IGSF10: variants seen among roughly 807,000 people sequenced by gnomAD.
IGSF10 encodes the protein calvaria mechanical force protein 608.
IGSF10 carries 126 observed loss-of-function variants against 128.2 expected under a neutral mutation model. The ratio of observed to expected loss-of-function variants is 0.98; its 90% CI spans 0.85 to 1.14. The LOEUF (loss-of-function observed/expected upper bound fraction) is 1.14. Ranked by LOEUF, IGSF10 falls within the 50% of genes most tolerant of loss-of-function variation. The pLI is 0.00. For missense variants in IGSF10, 3,295 were observed against 3,149.8 expected, an observed-to-expected ratio of 1.05 and a Z score of -1.10; for synonymous variants, 1,185 against 1,146.2, an observed-to-expected ratio of 1.03 and a Z score of -0.68.
At position 151,460,929 on chromosome 3, in the gene IGSF10, T is replaced by C. The variant is rs896220961; in HGVS notation, c.-89+17A>G. The C allele has an allele frequency of 6.1e-6, 6 of 985,186 alleles. No homozygotes were observed. The highest frequency in any genetic ancestry group is 3.5e-5 in the African/African-American group (2 of 57,216). 61.0% of individuals were successfully genotyped at this position (985,186 alleles called of 1,614,324 possible). Reference sequence around the variant, plus strand: ...GGTTCCAGCCCTTTCCGGGGAAGGATTGGCCGAGGCGCTCACCTGTTTGCC... The same window carrying C: ...GGTTCCAGCCCTTTCCGGGGAAGGACTGGCCGAGGCGCTCACCTGTTTGCC... On this transcript the variant is annotated intron_variant, in intron 1 of 7. Coordinates refer to ENST00000282466, the MANE Select transcript of IGSF10 (RefSeq NM_178822.5).
chr3:151,473,228 C>T, the IGSF10 span, among the ~76,000 whole-genome samples: 1 of 152,178 alleles, frequency 6.6e-6, no homozygotes, highest in Non-Finnish European at 1.5e-5. Context: ...GTGCTGAACA[C>T]AAAACCAGAG....
chr3:151,600,670 T>C, the IGSF10 span, among the ~76,000 whole-genome samples: 1 of 152,080 alleles, frequency 6.6e-6, no homozygotes, highest in Admixed American at 6.6e-5. Flanking sequence ...ACTTTGAAAA[T>C]ATTGTCGAAT....
At chr3:151,590,012 G>A in the IGSF10 span, among the ~76,000 whole-genome samples, 1 of 152,048 alleles carries the variant, frequency 6.6e-6, no homozygotes, top group Admixed American at 6.6e-5. Context: ...GGGAAAAAGA[G>A]TGAATGATCA....
chr3:151,605,651 T>C, the IGSF10 span, among the ~76,000 whole-genome samples: 1 of 152,234 alleles, frequency 6.6e-6, no homozygotes, highest in Non-Finnish European at 1.5e-5. Flanking sequence ...ATTTTAAAGA[T>C]GAAAAACACT....
the IGSF10 span, among the ~76,000 whole-genome samples, chr3:151,582,307 G>GGGGA: frequency 1.6e-5 from 1 of 63,422 alleles, no homozygotes; most frequent in African/African-American, 5.9e-5. Flanking sequence ...GGGGGGGCGG[G>GGGGA]AAGCACAAAT....
In IGSF10 at chr3:151,438,061, CCA is replaced by C; in HGVS notation, c.6498_6499del (p.Asp2168SerfsTer13). ...CCAAAATATTTTTGGTTTGGGATCC[CCA>C]GTGACCTCACAGTCAAGGACAGCTG... On this transcript the variant is annotated frameshift_variant, in exon 8 of 8. Transcript: ENST00000282466. LOFTEE classifies it low-confidence loss of function (END_TRUNC). The C allele has an allele frequency of 6.2e-7, 1 of 1,614,138 alleles. No individual in the cohort carries two copies. Among genetic ancestry groups the C allele is most frequent in the Non-Finnish European group, 8.5e-7 (1 of 1,180,026 alleles).
At chr3:151,462,517 A>G (rs1185713636), upstream of IGSF10, among the ~76,000 whole-genome samples, 1 of 152,106 alleles carries the variant, frequency 6.6e-6, no homozygotes, top group Non-Finnish European at 1.5e-5. Context: ...AAAGGAAAGT[A>G]TTTATGTTAT....
the IGSF10 span, among the ~76,000 whole-genome samples, chr3:151,477,411 A>C: frequency 1.3e-5 from 2 of 152,178 alleles, no homozygotes; most frequent in African/African-American, 4.8e-5. Flanking sequence ...AAATAGAATA[A>C]ATGGGGAAGT....
Position 151,448,056 on chromosome 3 carries a change from T to C in IGSF10, c.1925A>G (p.Tyr642Cys), listed in dbSNP as rs758483303. 6.8e-6 allele frequency: 11 copies of C among 1,614,060 alleles called. No individual in the cohort carries two copies. Among genetic ancestry groups the C allele is most frequent in the Non-Finnish European group, 9.3e-6 (11 of 1,180,046 alleles). Residue 642 changes from tyrosine (Y) to cysteine (C), a missense_variant, in exon 6 of 8, where the codon TAT becomes TGT. Transcript: ENST00000282466. ...ILQVTPKDQGYYRCVAANPSG... is the reference protein window; with the variant it reads ...ILQVTPKDQGCYRCVAANPSG... ...TGGGTTGGCTGCCACACAGCGATAA[T>C]AACCTTGGTCTTTCGGGGTGACCTG...
upstream of IGSF10, among the ~76,000 whole-genome samples, chr3:151,462,794 G>A (rs1722112564): frequency 1.5e-5 from 1 of 65,988 alleles, no homozygotes. Flanking sequence ...AGTAACCCTA[G>A]AAGCATGTAT....
chr3:151,563,052 G>A, the IGSF10 span, among the ~76,000 whole-genome samples: 2 of 152,100 alleles, frequency 1.3e-5, no homozygotes, highest in Non-Finnish European at 2.9e-5. Flanking sequence ...CATAGAGAAG[G>A]AGTGAATCTC....
intron 4 of IGSF10, among the ~76,000 whole-genome samples, chr3:151,455,775 T>C (rs1721765097): frequency 6.6e-6 from 1 of 152,202 alleles, no homozygotes. Flanking sequence ...TAATTTTGAG[T>C]TGCAATTAAA....
chr3:151,490,458 GATCA>G, the IGSF10 span, among the ~76,000 whole-genome samples: 25 of 150,658 alleles, frequency 1.7e-4, no homozygotes, highest in African/African-American at 5.6e-4. Flanking sequence ...ACAATGGATA[GATCA>G]ATTAGACAGA....
the IGSF10 span, among the ~76,000 whole-genome samples, chr3:151,484,241 C>T: frequency 1.3e-5 from 2 of 152,196 alleles, no homozygotes; most frequent in East Asian, 1.9e-4. Flanking sequence ...AGCCAGACTG[C>T]CTTTCTAGAT....
At chr3:151,611,253 T>C in the IGSF10 span, among the ~76,000 whole-genome samples, 4 of 152,316 alleles carry the variant, frequency 2.6e-5, no homozygotes, top group Admixed American at 2.0e-4. Context: ...CCCTATAAAA[T>C]AACACCTGGA....
At chr3:151,512,063 A>AAAGTTAAC in the IGSF10 span, among the ~76,000 whole-genome samples, 1 of 152,218 alleles carries the variant, frequency 6.6e-6, no homozygotes, top group Non-Finnish European at 1.5e-5. Context: ...AACTAGACAG[A>AAAGTTAAC]AAGTTAACAA....
chr3:151,537,159 G>A, the IGSF10 span, among the ~76,000 whole-genome samples: 2 of 152,116 alleles, frequency 1.3e-5, no homozygotes, highest in African/African-American at 2.4e-5. Flanking sequence ...CTAAAGTTGG[G>A]CACATTAGTA....
the IGSF10 span, among the ~76,000 whole-genome samples, chr3:151,611,327 A>C: frequency 2.0e-5 from 3 of 152,324 alleles, no homozygotes; most frequent in South Asian, 6.2e-4. Context: ...CCAAATCTTA[A>C]AGTACTAATC....
chr3:151,432,880 C>T (rs949482143), downstream of IGSF10: 13 of 1,032,458 alleles, frequency 1.3e-5, no homozygotes, highest in Admixed American at 7.0e-5. Flanking sequence ...CATTAGTCAT[C>T]TTAAAAATGT....
Sources: gnomAD v4.1 joint callset for allele counts (sites outside exome capture counted in the v4.1 genomes callset) on GRCh38, gnomAD v4.1.1 for gene constraint, MANE v1.5 for transcripts, NCBI Gene and HGNC (gene_info 2026-07-23, HGNC 2026-07-21) for gene names.